Variants in TRPM3 observed in about 807,000 individuals in gnomAD.
TRPM3 encodes long transient receptor potential channel 3.
TRPM3 carries 77 observed loss-of-function variants against 181.2 expected under a neutral mutation model. The ratio of observed to expected loss-of-function variants is 0.42; its 90% CI spans 0.35 to 0.51. The LOEUF is 0.51. Ranked by LOEUF, TRPM3 falls within the 20% of genes least tolerant of loss-of-function variation. The probability of loss-of-function intolerance (pLI) is 0.01; values close to 1 mark genes in which losing one functional copy is unlikely to be tolerated. For missense variants in TRPM3, 1,759 were observed against 2,196.7 expected (o/e 0.80, Z 3.98); for synonymous variants, 745 against 796.4 (o/e 0.94, Z 1.09).
chr9:71,313,920 CA>C (rs912028695), intron 1 of TRPM3, among the ~76,000 whole-genome samples: 1 of 152,082 alleles, frequency 6.6e-6, no homozygotes, highest in African/African-American at 2.4e-5. Context: ...AACATTTTAG[CA>C]GTTTTGTTTA....
At chr9:71,079,385 T>G (rs1430299226) in intron 1 of TRPM3, among the ~76,000 whole-genome samples, 2 of 152,148 alleles carry the variant, frequency 1.3e-5, no homozygotes, top group Non-Finnish European at 2.9e-5. Context: ...AAGGAACTTG[T>G]GCCAATCTTT....
intron 1 of TRPM3, 131 bp from the exon 2 acceptor site, chr9:70,864,642 A>G (rs1372885842): frequency 6.2e-6 from 3 of 485,654 alleles, no homozygotes; most frequent in Non-Finnish European, 1.0e-5. Context: ...TTGAACTGAA[A>G]TTGTGATTAT....
intron 1 of TRPM3, among the ~76,000 whole-genome samples, chr9:71,210,887 C>T (rs564958495): frequency 1.1e-4 from 16 of 152,188 alleles, no homozygotes; most frequent in Non-Finnish European, 2.2e-4. Flanking sequence ...TGTGTTCTCA[C>T]GTGGCAGAGA....
intron 1 of TRPM3, among the ~76,000 whole-genome samples, chr9:71,241,951 G>T (rs2081722423): frequency 6.6e-6 from 1 of 152,212 alleles, no homozygotes; most frequent in Non-Finnish European, 1.5e-5. Context: ...TAGATATCCA[G>T]CAGCAATGGT....
In TRPM3 at chr9:71,135,374, C is replaced by A. The variant is rs549748287; in HGVS notation, c.184-270863G>T. On this transcript the variant is annotated intron_variant, in intron 1 of 24. Transcript: ENST00000357533. ...AATGGGAATAGTATGGAAGTCAAGGCAACTCTATTCTTTTCCAGGCTGTAC... is the reference window on the plus strand; with the variant it reads ...AATGGGAATAGTATGGAAGTCAAGGAAACTCTATTCTTTTCCAGGCTGTAC... 2.0e-5 allele frequency among the ~76,000 whole-genome samples: 3 copies of A among 152,260 alleles called. No homozygotes were observed. In the South Asian group the frequency reaches 6.2e-4, roughly 32 times the overall value.
At chr9:71,106,559 C>T (rs906767743) in intron 1 of TRPM3, among the ~76,000 whole-genome samples, 1 of 152,112 alleles carries the variant, frequency 6.6e-6, no homozygotes, top group Admixed American at 6.6e-5. Flanking sequence ...CCCAAGCTTC[C>T]TATATAGCCT....
At chr9:70,674,120 C>T (rs2063521284) in intron 9 of TRPM3, among the ~76,000 whole-genome samples, 1 of 152,042 alleles carries the variant, frequency 6.6e-6, no homozygotes, top group African/African-American at 2.4e-5. Flanking sequence ...TGTCTGCCCA[C>T]AGGAAAGAGG....
intron 1 of TRPM3, among the ~76,000 whole-genome samples, chr9:71,352,255 A>G (rs2091683203): frequency 6.6e-6 from 1 of 152,196 alleles, no homozygotes; most frequent in South Asian, 2.1e-4. Context: ...TATGTATTAG[A>G]GAAGTTCCAT....
chr9:71,123,727 A>C (rs1348828032), upstream of TRPM3, among the ~76,000 whole-genome samples: 2 of 152,214 alleles, frequency 1.3e-5, no homozygotes, highest in African/African-American at 4.8e-5. Flanking sequence ...TTCCTCATGC[A>C]GTGTGGTATT....
intron 20 of TRPM3, among the ~76,000 whole-genome samples, chr9:70,600,567 A>C (rs1355047907): frequency 6.6e-6 from 1 of 152,144 alleles, no homozygotes. Context: ...GCTGGGTAAA[A>C]TATAGATGCT....
At chr9:70,845,790 T>C (rs1330359690) in intron 4 of TRPM3, among the ~76,000 whole-genome samples, 1 of 152,142 alleles carries the variant, frequency 6.6e-6, no homozygotes, top group East Asian at 1.9e-4. Context: ...CACTTAACTA[T>C]AGGTGGGCCA....
At chr9:70,782,217 T>TG (rs1366337135) in intron 7 of TRPM3, among the ~76,000 whole-genome samples, 1 of 152,058 alleles carries the variant, frequency 6.6e-6, no homozygotes, top group Non-Finnish European at 1.5e-5. Flanking sequence ...TTTCTTTTTT[T>TG]TTTTTAAGAC....
At chr9:71,326,046 A>G (rs1437320646) in intron 1 of TRPM3, among the ~76,000 whole-genome samples, 4 of 152,210 alleles carry the variant, frequency 2.6e-5, no homozygotes, top group Admixed American at 6.5e-5. Flanking sequence ...TTTGATTTAT[A>G]TATTTCATCC....
intron 1 of TRPM3, among the ~76,000 whole-genome samples, chr9:71,257,198 A>C (rs915287265): frequency 3.9e-5 from 6 of 152,194 alleles, no homozygotes; most frequent in Admixed American, 2.6e-4. Flanking sequence ...GAGGGCTTTA[A>C]TAGTACAGAT....
intron 1 of TRPM3, among the ~76,000 whole-genome samples, chr9:71,370,586 A>C (rs567550611): frequency 3.6e-4 from 55 of 152,360 alleles, no homozygotes; most frequent in Non-Finnish European, 7.5e-4. Flanking sequence ...GAGATGCAGA[A>C]GAATAGTTTG....
intron 8 of TRPM3, among the ~76,000 whole-genome samples, chr9:70,690,629 G>A (rs952483067): frequency 2.0e-5 from 3 of 151,836 alleles, no homozygotes; most frequent in South Asian, 4.2e-4. Flanking sequence ...TTTAAAAGCC[G>A]CCAGCTTAGC....
Position 70,995,762 on chromosome 9 carries a change from G to T in TRPM3, c.177+125416C>A, listed in dbSNP as rs577826141. Among the ~76,000 whole-genome samples, 5 of 152,176 alleles carry T rather than the reference G, an allele frequency of 3.3e-5. No individual in the cohort carries two copies. In the East Asian group the frequency reaches 5.8e-4, roughly 18 times the overall value. ...CATGCCAGGCTCTTAAAAAATAATT[G>T]CTCAAAATAAAGCCATGCAAAACCC... On this transcript the variant is annotated intron_variant, in intron 1 of 25. Transcript: ENST00000677713.
At chr9:70,763,513 T>C (rs571518416) in intron 7 of TRPM3, among the ~76,000 whole-genome samples, 1 of 152,222 alleles carries the variant, frequency 6.6e-6, no homozygotes, top group East Asian at 1.9e-4. Context: ...AAAAAATTTA[T>C]ATTTAGAAAA....
intron 1 of TRPM3, among the ~76,000 whole-genome samples, chr9:71,345,680 T>C (rs369956016): frequency 2.0e-5 from 3 of 152,216 alleles, no homozygotes; most frequent in South Asian, 4.1e-4. Flanking sequence ...ATGGTACACA[T>C]ATACCTATGT....
Sources: gnomAD v4.1 joint callset for allele counts (sites outside exome capture counted in the v4.1 genomes callset) on GRCh38, gnomAD v4.1.1 for gene constraint, MANE v1.5 for transcripts, NCBI Gene and HGNC (gene_info 2026-07-23, HGNC 2026-07-21) for gene names.